WIPF3: variants seen among roughly 807,000 people sequenced by gnomAD.
WIPF3 encodes WAS/WASL-interacting protein family member 3.
A neutral mutation model predicts 38.9 loss-of-function variants in WIPF3; 33 were observed. The ratio of observed to expected loss-of-function variants is 0.85; its 90% CI spans 0.64 to 1.14. The LOEUF is 1.14. Ranked by LOEUF, WIPF3 falls within the 50% of genes most tolerant of loss-of-function variation. The pLI is 0.00. For missense variants in WIPF3, 711 were observed against 652.5 expected (o/e 1.09, Z -0.98); for synonymous variants, 324 against 269.3 (o/e 1.20, Z -1.99).
At chr7:29,833,777 A>G (rs1471259773) in intron 1 of WIPF3, among the ~76,000 whole-genome samples, 1 of 152,200 alleles carries the variant, frequency 6.6e-6, no homozygotes, top group African/African-American at 2.4e-5. Flanking sequence ...GGTTTATTTC[A>G]GTTTCTGCTT....
intron 7 of WIPF3, among the ~76,000 whole-genome samples, chr7:29,902,270 TC>T (rs532423706): frequency 0.17 from 18,242 of 106,736 alleles, 1,366 homozygotes; most frequent in African/African-American, 0.19. Flanking sequence ...TTCTTCTTCT[TC>T]TTCTTTTTTT....
intron 8 of WIPF3, among the ~76,000 whole-genome samples, chr7:29,913,938 T>C (rs1212132194): frequency 6.6e-6 from 1 of 152,222 alleles, no homozygotes; most frequent in East Asian, 1.9e-4. Context: ...TCAAAGTGGA[T>C]TGTAGTCTCC....
At chr7:29,902,324 C>G (rs1324471068) in intron 7 of WIPF3, among the ~76,000 whole-genome samples, 2 of 127,346 alleles carry the variant, frequency 1.6e-5, no homozygotes, top group East Asian at 5.3e-4. Context: ...AGCTAAAAAT[C>G]TAGCAGTTAC....
chr7:29,857,582 G>C (rs866707761), intron 2 of WIPF3, among the ~76,000 whole-genome samples: 12 of 152,042 alleles, frequency 7.9e-5, no homozygotes, highest in Admixed American at 5.2e-4. Flanking sequence ...ACTTTTCAGA[G>C]CTCTGCTTCC....
rs1785824683 is a variant in WIPF3, at chr7:29,884,499, C to T, written c.1005C>T (p.Ala335=). The T allele has an allele frequency of 6.3e-7, 1 of 1,578,828 alleles. No homozygotes were observed. The highest frequency in any genetic ancestry group is 8.6e-7 in the Non-Finnish European group (1 of 1,163,438). Residue 335 remains alanine (A), a synonymous_variant, in exon 5 of 9, where the codon GCC becomes GCT. Transcript: ENST00000242140. ...CCCCTAAATCCCCCAGCTTCCAGGC[C>T]CCACCGCAGAAGGCCGGTGCGCAGG... ...PLPPKSPSFQ[A]PPQKAGAQAL...
intron 2 of WIPF3, among the ~76,000 whole-genome samples, chr7:29,852,696 T>A (rs1785122660): frequency 6.6e-6 from 1 of 152,196 alleles, no homozygotes; most frequent in Admixed American, 6.5e-5. Flanking sequence ...GCGAAACCAC[T>A]TGTTCTCTTT....
chr7:29,806,909 C>CGGCCGGGCCG (rs554229016), intron 1 of WIPF3, among the ~76,000 whole-genome samples: 139 of 151,354 alleles, frequency 9.2e-4, no homozygotes, highest in South Asian at 4.0e-3. Flanking sequence ...CACGCCGCCC[C>CGGCCGGGCCG]GGCCGGGCCG....
At chr7:29,907,120 A>G (rs10247283) in intron 8 of WIPF3, among the ~76,000 whole-genome samples, 4,851 of 152,350 alleles carry the variant, frequency 0.032, 98 homozygotes, top group Middle Eastern at 0.1. Context: ...GGCCAATTAT[A>G]AAATCTAATA....
rs1463012340 is a variant in WIPF3 at position 29,914,420 on chromosome 7, G to C, written c.1429-73G>C. ...CTTCGGGGCCCAGCCTGTTTGGGGG[G>C]GTGGAGGAGGAAGGCTTTCATGTGC... is the stretch of plus-strand genomic sequence containing the variant. On this transcript the variant is annotated intron_variant, in intron 8 of 8. Transcript: ENST00000242140. 16 of 1,242,352 alleles carry C rather than the reference G, an allele frequency of 1.3e-5. No individual in the cohort carries two copies. The South Asian group carries it at 2.4e-4, about 18-fold the overall frequency. 77.0% of individuals were successfully genotyped at this position (1,242,352 alleles called of 1,614,324 possible).
chr7:29,844,966 C>T lies in WIPF3; in HGVS notation c.90+10152C>T, dbSNP rs901905494. The stretch of plus-strand genomic sequence containing the variant: ...CCAGGAAGTCAATGGATTCGGCTCC[C>T]CATACCTTGGCCAGAGCTTCCACAT... On this transcript the variant is annotated intron_variant, in intron 2 of 8. Coordinates refer to ENST00000242140, the MANE Select transcript of WIPF3 (RefSeq NM_001080529.3). The surrounding 1 kb of genome is among the most constrained non-coding windows in gnomAD (Gnocchi z 4.8). Among the ~76,000 whole-genome samples, 1 of 151,938 alleles carries T rather than the reference C, an allele frequency of 6.6e-6. No homozygotes were observed. Among genetic ancestry groups the T allele is most frequent in the Non-Finnish European group, 1.5e-5 (1 of 67,968 alleles).
intron 8 of WIPF3, chr7:29,912,722 A>C (rs79551247): frequency 0.029 from 4,491 of 154,784 alleles, 81 homozygotes; most frequent in South Asian, 0.056. Context: ...ACGCATGTAC[A>C]GTGGAATATT....
At chr7:29,905,114 A>G (rs1314014129) in intron 8 of WIPF3, 1 of 152,232 alleles carries the variant, frequency 6.6e-6, no homozygotes, top group Admixed American at 6.5e-5. Flanking sequence ...AACATCAAGG[A>G]AAGTGACCTG....
At chr7:29,904,178 C>A in intron 7 of WIPF3, 108 bp from the exon 8 acceptor site, 1 of 1,024,522 alleles carries the variant, frequency 9.8e-7, no homozygotes, top group Non-Finnish European at 1.5e-6. Flanking sequence ...GGCCAGGATC[C>A]TGAAGGTTTC....
At chr7:29,873,242 T>C (rs531558037) in intron 2 of WIPF3, among the ~76,000 whole-genome samples, 117 of 152,274 alleles carry the variant, frequency 7.7e-4, no homozygotes, top group Non-Finnish European at 1.2e-3. Flanking sequence ...ATCATTCCAG[T>C]TGCTTTTTTA....
chr7:29,849,406 G>A (rs1785055634), intron 2 of WIPF3, among the ~76,000 whole-genome samples: 1 of 152,178 alleles, frequency 6.6e-6, no homozygotes, highest in African/African-American at 2.4e-5. Flanking sequence ...TGCATTTACT[G>A]TTCTCTGCCC....
chr7:29,808,255 TAAAAACCAC>T (rs371009821), intron 1 of WIPF3, among the ~76,000 whole-genome samples: 190 of 152,328 alleles, frequency 1.2e-3, no homozygotes, highest in African/African-American at 4.5e-3. Context: ...AAGATACATT[TAAAAACCAC>T]AAAAACCAAA....
chr7:29,842,875 G>C (rs141801493), intron 2 of WIPF3, among the ~76,000 whole-genome samples: 1 of 152,292 alleles, frequency 6.6e-6, no homozygotes, highest in African/African-American at 2.4e-5. Flanking sequence ...ATAATGAAAG[G>C]CTTAAAAATT....
intron 2 of WIPF3, among the ~76,000 whole-genome samples, chr7:29,872,865 G>A (rs1785524120): frequency 6.7e-6 from 1 of 150,316 alleles, no homozygotes; most frequent in Non-Finnish European, 1.5e-5. Context: ...TCATCGGGGC[G>A]CTCATCAGGG....
intron 7 of WIPF3, among the ~76,000 whole-genome samples, chr7:29,893,528 T>C (rs1485952612): frequency 6.6e-6 from 1 of 152,112 alleles, no homozygotes; most frequent in Non-Finnish European, 1.5e-5. Context: ...ACTCAGTCCC[T>C]CCCAGACAGC....
Sources: gnomAD v4.1 joint callset for allele counts (sites outside exome capture counted in the v4.1 genomes callset) on GRCh38, gnomAD v4.1.1 for gene constraint, Gnocchi (gnomAD v3.1) non-coding constraint, MANE v1.5 for transcripts, NCBI Gene and HGNC (gene_info 2026-07-23, HGNC 2026-07-21) for gene names.